Variants in KAZN observed in about 807,000 individuals in gnomAD.
The protein encoded by KAZN is kazrin, periplakin interacting protein.
Under a neutral mutation model 87.4 loss-of-function variants are expected in KAZN, and 40 were observed. The observed-to-expected ratio is 0.46, with a 90% CI of 0.36 to 0.60. The LOEUF (loss-of-function observed/expected upper bound fraction) is 0.60, where lower values mean the gene tolerates loss of function less well. Among genes scored for constraint, KAZN ranks in the 20% least tolerant of loss-of-function variants. The pLI, the probability that KAZN is intolerant of heterozygous loss-of-function variation, is 0.00. For missense variants in KAZN, 898 were observed against 1,073.9 expected (o/e 0.84, Z 2.29); for synonymous variants, 466 against 458.3 (o/e 1.02, Z -0.22).
intron 2 of KAZN, among the ~76,000 whole-genome samples, chr1:14,180,948 C>T (rs978554552): frequency 6.6e-6 from 1 of 152,144 alleles, no homozygotes; most frequent in African/African-American, 2.4e-5. Flanking sequence ...TCCCAAACAG[C>T]ATAAGTAACT....
At chr1:14,576,622 C>A (rs949107920) in intron 2 of KAZN, among the ~76,000 whole-genome samples, 1 of 152,172 alleles carries the variant, frequency 6.6e-6, no homozygotes, top group Admixed American at 6.5e-5. Flanking sequence ...ATTGAAAAGC[C>A]ATCTGGTCTT....
chr1:14,042,832 A>G (rs1026365628), intron 1 of KAZN, among the ~76,000 whole-genome samples: 7 of 152,242 alleles, frequency 4.6e-5, no homozygotes, highest in Admixed American at 4.6e-4. Context: ...GAATACTAGC[A>G]GTGAATGAAA....
chr1:14,852,660 G>A (rs866301483), intron 1 of KAZN, among the ~76,000 whole-genome samples: 40 of 152,402 alleles, frequency 2.6e-4, no homozygotes, highest in African/African-American at 8.7e-4. Flanking sequence ...GCCACTGGCA[G>A]AAGATGACAA....
chr1:14,068,440 T>C (rs548745107), intron 1 of KAZN, among the ~76,000 whole-genome samples: 6 of 152,170 alleles, frequency 3.9e-5, no homozygotes, highest in African/African-American at 9.7e-5. Context: ...TTTAAAAATA[T>C]AGATTCTCAA....
chr1:13,993,712 G>T (rs532015103), intron 1 of KAZN, among the ~76,000 whole-genome samples: 2 of 152,286 alleles, frequency 1.3e-5, no homozygotes, highest in African/African-American at 4.8e-5. Flanking sequence ...TAGTAAACAT[G>T]ATAATTTCAG....
chr1:14,360,825 G>A (rs1659441210), intron 2 of KAZN, among the ~76,000 whole-genome samples: 1 of 152,166 alleles, frequency 6.6e-6, no homozygotes. Context: ...CGTCCCAGAG[G>A]GGCACCTGCC....
intron 2 of KAZN, among the ~76,000 whole-genome samples, chr1:14,453,472 A>C (rs1470422173): frequency 6.6e-6 from 1 of 152,246 alleles, no homozygotes; most frequent in Non-Finnish European, 1.5e-5. Flanking sequence ...TAGTCTAAAA[A>C]AAGTACTACT....
chr1:14,324,456 C>A (rs1477287486), intron 2 of KAZN, among the ~76,000 whole-genome samples: 1 of 152,208 alleles, frequency 6.6e-6, no homozygotes, highest in African/African-American at 2.4e-5. Context: ...GGGAACCTTG[C>A]TCATGAAGCC....
At chr1:14,959,600 A>G (rs12068752) in intron 1 of KAZN, among the ~76,000 whole-genome samples, 24,939 of 152,188 alleles carry the variant, frequency 0.16, 6,744 homozygotes, top group African/African-American at 0.56. Flanking sequence ...GTTTATTCTC[A>G]AGGGGACCTG....
chr1:14,832,607 G>A (rs1255698549), intron 1 of KAZN, among the ~76,000 whole-genome samples: 1 of 152,138 alleles, frequency 6.6e-6, no homozygotes, highest in Non-Finnish European at 1.5e-5. Flanking sequence ...TAGCTGATGA[G>A]CTAAAAAGAG....
At chr1:14,308,222 T>A (rs1464654177) in intron 2 of KAZN, among the ~76,000 whole-genome samples, 2 of 152,164 alleles carry the variant, frequency 1.3e-5, no homozygotes, top group Non-Finnish European at 2.9e-5. Flanking sequence ...TAGAACATTA[T>A]TAGGACAATT....
intron 2 of KAZN, among the ~76,000 whole-genome samples, chr1:14,335,900 TG>T (rs566743949): frequency 8.0e-4 from 122 of 152,246 alleles, no homozygotes; most frequent in Non-Finnish European, 9.1e-4. Context: ...ATACCAGAGC[TG>T]GGGACCACTG....
intron 1 of KAZN, among the ~76,000 whole-genome samples, chr1:13,981,097 A>ATATATATAAAAG (rs1638666074): frequency 2.1e-5 from 2 of 96,940 alleles, no homozygotes; most frequent in South Asian, 5.5e-4. Context: ...CTTTATATAT[A>ATATATATAAAAG]TATATATATA....
At chr1:14,582,829 A>G (rs1214514841) in intron 2 of KAZN, among the ~76,000 whole-genome samples, 2 of 152,212 alleles carry the variant, frequency 1.3e-5, no homozygotes, top group African/African-American at 4.8e-5. Context: ...TCAATGAATG[A>G]CATATCTTCA....
intron 2 of KAZN, among the ~76,000 whole-genome samples, chr1:14,329,705 C>A (rs1302958766): frequency 6.6e-6 from 1 of 152,170 alleles, no homozygotes; most frequent in Non-Finnish European, 1.5e-5. Flanking sequence ...CCCTGCCTCT[C>A]AGTCACTCAG....
At chr1:14,519,672 GAGTA>G (rs1164671292) in intron 2 of KAZN, among the ~76,000 whole-genome samples, 1 of 152,172 alleles carries the variant, frequency 6.6e-6, no homozygotes, top group Non-Finnish European at 1.5e-5. Context: ...GAAGAAAAGA[GAGTA>G]AGAGGGAAAA....
At chr1:14,853,264 A>G (rs549655227) in intron 1 of KAZN, among the ~76,000 whole-genome samples, 14 of 152,318 alleles carry the variant, frequency 9.2e-5, no homozygotes, top group Non-Finnish European at 2.1e-4. Context: ...GAAGGTGCCC[A>G]GGGCAGAGGG....
chr1:14,574,817 A>T (rs1407379139), intron 2 of KAZN, among the ~76,000 whole-genome samples: 1 of 152,182 alleles, frequency 6.6e-6, no homozygotes, highest in Non-Finnish European at 1.5e-5. Flanking sequence ...TGACAGTGGC[A>T]GGATCATAGA....
At chr1:14,611,688 CA>C (rs34013908) in intron 1 of KAZN, among the ~76,000 whole-genome samples, 12,220 of 119,510 alleles carry the variant, frequency 0.1, 655 homozygotes, top group African/African-American at 0.19. Context: ...CACCCTGTCT[CA>C]AAAAAAAAAA....
Sources: allele counts gnomAD v4.1 joint callset (sites outside exome capture counted in the v4.1 genomes callset), GRCh38; gene constraint gnomAD v4.1.1; transcripts MANE v1.5; gene names NCBI Gene and HGNC (gene_info 2026-07-23, HGNC 2026-07-21).